Variants in CNGA1 observed in about 807,000 individuals in gnomAD.
CNGA1 encodes the protein cyclic nucleotide gated channel subunit alpha 1, also known as cyclic nucleotide-gated channel alpha-1.
Under a neutral mutation model 69.7 loss-of-function variants are expected in CNGA1, and 53 were observed. The ratio of observed to expected loss-of-function variants is 0.76; its 90% CI spans 0.61 to 0.96. The LOEUF (loss-of-function observed/expected upper bound fraction) is 0.96. CNGA1 is among the 40% of genes least tolerant of loss of function. CNGA1 has a pLI of 0.00. For synonymous variants in CNGA1, 249 were observed against 283.5 expected (o/e 0.88, Z 1.22); for missense variants, 739 against 811.2 (o/e 0.91, Z 1.08).
chr4:47,957,986 C>T (rs1313847287), intron 3 of CNGA1, among the ~76,000 whole-genome samples: 1 of 151,308 alleles, frequency 6.6e-6, no homozygotes, highest in Admixed American at 6.6e-5. Context: ...CCTCCACCTC[C>T]CGGGTTCAAG....
At chr4:47,951,113 C>T (rs1289054388) in intron 5 of CNGA1, among the ~76,000 whole-genome samples, 1 of 152,208 alleles carries the variant, frequency 6.6e-6, no homozygotes, top group Non-Finnish European at 1.5e-5. Flanking sequence ...GAAGTAATTC[C>T]TCCTGAGATC....
chr4:48,001,141 G>A (rs1458069169), intron 2 of CNGA1, among the ~76,000 whole-genome samples: 2 of 152,024 alleles, frequency 1.3e-5, no homozygotes, highest in Non-Finnish European at 2.9e-5. Flanking sequence ...TAGGTTAGAT[G>A]TAAAGGGAAA....
chr4:47,977,275 CAA>C (rs1239744117), intron 3 of CNGA1, among the ~76,000 whole-genome samples: 1 of 152,026 alleles, frequency 6.6e-6, no homozygotes, highest in Non-Finnish European at 1.5e-5. Context: ...CGTGGACATA[CAA>C]AGAGACAGGA....
rs957977610 is a variant in CNGA1, at chr4:48,014,833, AGAC to A, written c.-223+1647_-223+1649del. On this transcript the variant is annotated intron_variant, in intron 1 of 10. Coordinates refer to ENST00000514170, the MANE Select transcript of CNGA1 (RefSeq NM_001379270.1). ...TACCATCATTACTAATTTTTGATAAAGACAAAATTTTAAGTTGGAAATCCAAAG... is the reference window on the plus strand; with the variant it reads ...TACCATCATTACTAATTTTTGATAAAAAAATTTTAAGTTGGAAATCCAAAG... Among the ~76,000 whole-genome samples, 7 of 152,350 alleles carry A rather than the reference AGAC, an allele frequency of 4.6e-5. 1 individual carries two copies. The highest frequency in any genetic ancestry group is 1.7e-4 in the African/African-American group (7 of 41,594).
chr4:47,991,040 C>T (rs902511897), intron 2 of CNGA1, among the ~76,000 whole-genome samples: 2 of 152,122 alleles, frequency 1.3e-5, no homozygotes, highest in African/African-American at 4.8e-5. Context: ...ACCATGATCT[C>T]TTTATCCACT....
chr4:47,986,320 T>C (rs982924050), intron 2 of CNGA1, among the ~76,000 whole-genome samples: 3 of 151,630 alleles, frequency 2.0e-5, no homozygotes, highest in African/African-American at 7.3e-5. Flanking sequence ...GGCAGGAGAA[T>C]GACTTAAACC....
intron 6 of CNGA1, among the ~76,000 whole-genome samples, chr4:47,947,969 A>ACTGCC (rs1414025528): frequency 6.6e-6 from 1 of 152,220 alleles, no homozygotes; most frequent in Non-Finnish European, 1.5e-5. Context: ...TGAGGAAAGT[A>ACTGCC]ATCAGTCACT....
chr4:47,936,884 AC>A lies in CNGA1; in HGVS notation c.1597del (p.Val533TyrfsTer2). Reference sequence around the variant, plus strand: ...ACCGAAGTAGCTGCCATCGCTCAATACCACAAACTGAGTGACTCCATCATCT... The same window carrying A: ...ACCGAAGTAGCTGCCATCGCTCAATACACAAACTGAGTGACTCCATCATCT... Reference protein sequence around the residue: ...VADDGVTQFVVLSDGSYFGEI... With the variant: ...VADDGVTQFVXLSDGSYFGEI... On this transcript the variant is annotated frameshift_variant, in exon 11 of 11. Transcript: ENST00000514170. LOFTEE classifies it high-confidence loss of function. 6.2e-7 allele frequency: 1 copy of A among 1,614,114 alleles called. No individual in the cohort carries two copies. The highest frequency in any genetic ancestry group is 1.1e-5 in the South Asian group (1 of 91,080).
At chr4:47,964,807 A>T (rs1352873530) in intron 3 of CNGA1, among the ~76,000 whole-genome samples, 1 of 152,028 alleles carries the variant, frequency 6.6e-6, no homozygotes, top group Non-Finnish European at 1.5e-5. Flanking sequence ...CAATGTATAG[A>T]TTCTAAATTT....
In CNGA1 at chr4:47,937,451, T is replaced by C. The variant is rs140419673; in HGVS notation, c.1031A>G (p.Lys344Arg). ...AGACCAGTAAAGGCTGTATACGTAT[T>C]TTCTAGCCAAACGGCCAAATTCAGG... ...NDPEFGRLAR[K>R]YVYSLYWSTL... The change falls in exon 11 of 11, where the codon AAA becomes AGA. Residue 344 changes from lysine (K) to arginine (R), a missense_variant. Transcript: ENST00000514170. The C allele has an allele frequency of 3.8e-4, 615 of 1,614,152 alleles. 1 individual carries two copies. The African/African-American group carries it at 6.5e-3, about 17-fold the overall frequency.
intron 6 of CNGA1, among the ~76,000 whole-genome samples, chr4:47,945,693 G>A (rs1739356265): frequency 1.3e-5 from 2 of 152,188 alleles, no homozygotes; most frequent in Admixed American, 1.3e-4. Flanking sequence ...GAATATAAAA[G>A]TAGAATGTAT....
intron 2 of CNGA1, among the ~76,000 whole-genome samples, chr4:47,997,270 T>C (rs889761389): frequency 2.0e-5 from 3 of 152,302 alleles, no homozygotes; most frequent in African/African-American, 7.2e-5. Context: ...CTGCCACTTC[T>C]TCCACAGGCC....
Position 47,951,460 on chromosome 4 carries a change from A to C in CNGA1, c.117T>G (p.Ser39=), listed in dbSNP as rs1279419226. 6.2e-7 allele frequency: 1 copy of C among 1,609,250 alleles called. No individual in the cohort carries two copies. The highest frequency in any genetic ancestry group is 2.2e-5 in the East Asian group (1 of 44,850). ...ATGTAGAGGCACTGTCATCATCCTC[A>C]GAAAAGGAGCTACAGTCCAATAGGA... ...RMENGACSSF[S]EDDDSASTSE... The change falls in exon 5 of 11, where the codon TCT becomes TCG. Residue 39 remains serine (S), a synonymous_variant. Transcript: ENST00000514170.
intron 2 of CNGA1, among the ~76,000 whole-genome samples, chr4:47,998,977 G>T: frequency 6.6e-6 from 1 of 152,072 alleles, no homozygotes; most frequent in Non-Finnish European, 1.5e-5. Context: ...TCATAAGTTT[G>T]ACATATTATC....
chr4:47,989,440 G>T (rs1742137891), intron 2 of CNGA1, among the ~76,000 whole-genome samples: 1 of 152,028 alleles, frequency 6.6e-6, no homozygotes, highest in African/African-American at 2.4e-5. Context: ...TTCTACCTCT[G>T]GGAGTTGTAC....
At chr4:47,959,918 C>T (rs1315811143) in intron 3 of CNGA1, among the ~76,000 whole-genome samples, 1 of 151,566 alleles carries the variant, frequency 6.6e-6, no homozygotes, top group Non-Finnish European at 1.5e-5. Flanking sequence ...AAAAGAAATT[C>T]GCGATGCATT....
chr4:47,947,132 T>C (rs73147914), intron 6 of CNGA1, among the ~76,000 whole-genome samples: 1,946 of 152,264 alleles, frequency 0.013, 35 homozygotes, highest in African/African-American at 0.044. Flanking sequence ...AATTTCCATT[T>C]ATTTTCCACT....
intron 2 of CNGA1, among the ~76,000 whole-genome samples, chr4:48,009,696 T>C (rs1050448449): frequency 6.6e-6 from 1 of 151,822 alleles, no homozygotes; most frequent in Non-Finnish European, 1.5e-5. Flanking sequence ...GCCAACTACA[T>C]GGGAGGCTGA....
intron 3 of CNGA1, among the ~76,000 whole-genome samples, chr4:47,980,347 A>G (rs1282114441): frequency 6.6e-6 from 1 of 152,206 alleles, no homozygotes; most frequent in African/African-American, 2.4e-5. Context: ...CAACTTTCCA[A>G]TATAGAATGA....
Sources: allele counts gnomAD v4.1 joint callset (sites outside exome capture counted in the v4.1 genomes callset), GRCh38; gene constraint gnomAD v4.1.1; transcripts MANE v1.5; gene names NCBI Gene and HGNC (gene_info 2026-07-23, HGNC 2026-07-21).